RBPJ: variants seen among roughly 807,000 people sequenced by gnomAD.
RBPJ encodes the protein recombining binding protein suppressor of hairless.
A neutral mutation model predicts 67.8 loss-of-function variants in RBPJ; 9 were observed. That is an observed-to-expected ratio of 0.13 (90% confidence interval 0.08 to 0.23). The LOEUF (loss-of-function observed/expected upper bound fraction) is 0.23. RBPJ is among the 10% of genes least tolerant of loss of function. The pLI is 1.00. For synonymous variants in RBPJ, 198 were observed against 203.3 expected (o/e 0.97, Z 0.22); for missense variants, 305 against 595.6 (o/e 0.51, Z 5.08).
intron 1 of RBPJ, among the ~76,000 whole-genome samples, chr4:26,202,884 T>C (rs1426237145): frequency 7.0e-6 from 1 of 142,840 alleles, no homozygotes; most frequent in Non-Finnish European, 1.5e-5. Context: ...ACCACTGCAC[T>C]CCAGCCTGGG....
At chr4:26,325,453 A>G (rs1723525042) in intron 1 of RBPJ, among the ~76,000 whole-genome samples, 1 of 152,222 alleles carries the variant, frequency 6.6e-6, no homozygotes, top group Non-Finnish European at 1.5e-5. Flanking sequence ...TTTAGTGTTT[A>G]ATCTGAACTG....
chr4:26,301,185 G>A (rs1722062291), intron 1 of RBPJ, among the ~76,000 whole-genome samples: 1 of 152,180 alleles, frequency 6.6e-6, no homozygotes, highest in Non-Finnish European at 1.5e-5. Context: ...GATCCCAGAA[G>A]TTAAGGAACA....
At chr4:26,202,373 C>A (rs774369918) in intron 1 of RBPJ, among the ~76,000 whole-genome samples, 9 of 151,664 alleles carry the variant, frequency 5.9e-5, no homozygotes, top group South Asian at 4.2e-4. Context: ...AATAGGCTGC[C>A]TACTTGACAC....
At chr4:26,310,743 C>T (rs1403381881) in intron 1 of RBPJ, among the ~76,000 whole-genome samples, 1 of 149,346 alleles carries the variant, frequency 6.7e-6, no homozygotes, top group Non-Finnish European at 1.5e-5. Context: ...GATCTTGGCT[C>T]ACTGCAACCT....
At position 26,273,114 on chromosome 4, in the gene RBPJ, C is replaced by T. The variant is rs571170220; in HGVS notation, c.-166-89332C>T. On this transcript the variant is annotated intron_variant, in intron 1 of 4. Transcript: ENST00000512351. Reference sequence around the variant, plus strand: ...AATTGGCCTGTGTGTCCCAAGTTTACTCATTTGCAGGACTACCTTTTGCTG... The same window carrying T: ...AATTGGCCTGTGTGTCCCAAGTTTATTCATTTGCAGGACTACCTTTTGCTG... Among the ~76,000 whole-genome samples, 31 of 152,350 alleles carry T rather than the reference C, an allele frequency of 2.0e-4. No individual in the cohort carries two copies. The South Asian group carries it at 3.9e-3, about 19-fold the overall frequency.
chr4:26,287,284 A>C (rs1045511793), intron 1 of RBPJ, among the ~76,000 whole-genome samples: 2 of 152,004 alleles, frequency 1.3e-5, no homozygotes, highest in Non-Finnish European at 2.9e-5. Context: ...TCGTGCCTGT[A>C]ATCCCAGCAC....
intron 7 of RBPJ, 109 bp from the exon 8 acceptor site, chr4:26,428,611 G>C (rs1428912663): frequency 4.0e-6 from 3 of 758,468 alleles, no homozygotes; most frequent in Non-Finnish European, 6.6e-6. Flanking sequence ...ACAAATAACT[G>C]TGATGTATTA....
intron 1 of RBPJ, among the ~76,000 whole-genome samples, chr4:26,227,127 G>A (rs557721497): frequency 4.5e-4 from 68 of 152,336 alleles, no homozygotes; most frequent in African/African-American, 1.4e-3. Context: ...CACTGGAGTC[G>A]TCTGAGGGTT....
intron 2 of RBPJ, among the ~76,000 whole-genome samples, chr4:26,399,434 A>G (rs1400821883): frequency 4.6e-5 from 7 of 152,160 alleles, no homozygotes; most frequent in African/African-American, 9.7e-5. Flanking sequence ...ATAACTAGTA[A>G]AAGTAGATCC....
chr4:26,139,780 T>C, the RBPJ span, among the ~76,000 whole-genome samples: 5 of 152,364 alleles, frequency 3.3e-5, no homozygotes, highest in East Asian at 7.7e-4. Flanking sequence ...TTGCCTGTGC[T>C]CAGTGGTTAA....
chr4:26,121,916 CT>C, the RBPJ span, among the ~76,000 whole-genome samples: 2 of 57,596 alleles, frequency 3.5e-5, no homozygotes, highest in African/African-American at 7.0e-5. Flanking sequence ...CCTGTGTCCT[CT>C]TTTTTCTTTT....
At chr4:26,398,074 G>T (rs1418961155) in intron 2 of RBPJ, among the ~76,000 whole-genome samples, 1 of 150,070 alleles carries the variant, frequency 6.7e-6, no homozygotes, top group African/African-American at 2.4e-5. Flanking sequence ...GTGATATTGT[G>T]TGTGTGTGTG....
At chr4:26,255,801 C>CA (rs34958199) in intron 1 of RBPJ, among the ~76,000 whole-genome samples, 8,137 of 74,888 alleles carry the variant, frequency 0.11, 421 homozygotes, top group African/African-American at 0.19. Flanking sequence ...GACTCCGTCT[C>CA]AAAAAAAAAA....
chr4:26,201,579 C>T (rs1288752232), intron 1 of RBPJ, among the ~76,000 whole-genome samples: 1 of 152,158 alleles, frequency 6.6e-6, no homozygotes, highest in Non-Finnish European at 1.5e-5. Flanking sequence ...TTTACCTCTA[C>T]CTCTCATTTT....
In RBPJ at chr4:26,349,087, T is replaced by C. The variant is rs1483220784; in HGVS notation, c.20+28039T>C. ...CATCACAAGTTTGTGTGTGTGTGTG[T>C]GCGCGCGCGCACGCACTTGCCAGGC... On this transcript the variant is annotated intron_variant, in intron 1 of 10. Coordinates refer to ENST00000355476, the MANE Select transcript of RBPJ (RefSeq NM_015874.6). 8.3e-3 allele frequency among the ~76,000 whole-genome samples: 560 copies of C among 67,678 alleles called. 6 individuals are homozygous for C. Among genetic ancestry groups the C allele is most frequent in the South Asian group, 0.058 (112 of 1,944 alleles). The allele number at this position is 67,678 out of a possible 152,430, so 44.4% of individuals were successfully genotyped here. A position where few individuals can be genotyped will look rare whatever the true frequency, so the allele number is the denominator to read the frequency against.
intron 1 of RBPJ, 35 bp downstream of exon 1, chr4:26,321,083 G>T: frequency 6.5e-7 from 1 of 1,544,324 alleles, no homozygotes; most frequent in Non-Finnish European, 8.9e-7. Flanking sequence ...CGGGAACCGG[G>T]AAAGTTGCGG....
At chr4:26,135,285 T>C in the RBPJ span, among the ~76,000 whole-genome samples, 1 of 152,066 alleles carries the variant, frequency 6.6e-6, no homozygotes, top group Non-Finnish European at 1.5e-5. Context: ...CATAGCCCCA[T>C]TGTGATGAGC....
At chr4:26,356,582 T>C (rs778336351) in intron 1 of RBPJ, among the ~76,000 whole-genome samples, 26 of 152,250 alleles carry the variant, frequency 1.7e-4, no homozygotes, top group Admixed American at 4.6e-4. Flanking sequence ...TCTTTATCTT[T>C]ACTTTTAAAA....
intron 1 of RBPJ, among the ~76,000 whole-genome samples, chr4:26,246,007 A>G (rs1719916671): frequency 6.6e-6 from 1 of 152,184 alleles, no homozygotes. Context: ...TAAGTCTCCA[A>G]ACTTGTTCTT....
Sources: allele counts gnomAD v4.1 joint callset (sites outside exome capture counted in the v4.1 genomes callset), GRCh38; gene constraint gnomAD v4.1.1; transcripts MANE v1.5; gene names NCBI Gene and HGNC (gene_info 2026-07-23, HGNC 2026-07-21).